The following EIF4E variants were observed in gnomAD, a reference collection of about 807,000 sequenced individuals.
EIF4E encodes the protein eukaryotic translation initiation factor 4E.
For missense variants in EIF4E, 113 were observed against 265.6 expected, an observed-to-expected ratio of 0.43 and a Z score of 3.99; for synonymous variants, 71 against 88.5, an observed-to-expected ratio of 0.80 and a Z score of 1.11.
At chr4:98,923,286 A>G (rs1020447993) in intron 1 of EIF4E, among the ~76,000 whole-genome samples, 1 of 149,792 alleles carries the variant, frequency 6.7e-6, no homozygotes, top group African/African-American at 2.4e-5. Flanking sequence ...TATTTTAGAC[A>G]CACACACACA....
intron 2 of EIF4E, among the ~76,000 whole-genome samples, chr4:98,891,724 T>C (rs140629315): frequency 3.3e-5 from 5 of 152,350 alleles, no homozygotes; most frequent in African/African-American, 1.2e-4. Flanking sequence ...TGGAGATTAG[T>C]TGCACAATAA....
At chr4:98,892,557 CT>C (rs1724195803) in intron 2 of EIF4E, among the ~76,000 whole-genome samples, 1 of 149,168 alleles carries the variant, frequency 6.7e-6, no homozygotes, top group Non-Finnish European at 1.5e-5. Context: ...TGGTATGTGC[CT>C]GTAATTACAG....
intron 5 of EIF4E, among the ~76,000 whole-genome samples, chr4:98,886,056 G>C (rs567504918): frequency 6.6e-6 from 1 of 151,636 alleles, no homozygotes; most frequent in African/African-American, 2.4e-5. Flanking sequence ...GAGAGGCTAA[G>C]GCAGGATGAT....
intron 1 of EIF4E, among the ~76,000 whole-genome samples, chr4:98,914,033 C>A (rs114492285): frequency 0.023 from 3,442 of 150,418 alleles, 52 homozygotes; most frequent in African/African-American, 0.032. Flanking sequence ...TGGAGAAAAG[C>A]AGATTACAGA....
intron 3 of EIF4E, among the ~76,000 whole-genome samples, chr4:98,888,593 C>T (rs1335121546): frequency 1.3e-5 from 2 of 152,144 alleles, no homozygotes; most frequent in African/African-American, 4.8e-5. Flanking sequence ...GTCTGTATTT[C>T]TAAACTATTT....
Position 98,891,272 on chromosome 4 carries a change from C to A in EIF4E, c.186G>T (p.Leu62=), listed in dbSNP as rs952094702. 3.5e-5 allele frequency: 57 copies of A among 1,613,968 alleles called. No homozygotes were observed. Among genetic ancestry groups the A allele is most frequent in the Non-Finnish European group, 4.7e-5 (56 of 1,180,018 alleles). ...CTTCAACAGTATCAAACTTGGAGAT[C>A]AGCCGCAGGTTTGCTTGCCAAGTTT... is the stretch of plus-strand genomic sequence containing the variant. ...KSKTWQANLR[L]ISKFDTVEDF... Residue 62 remains leucine, a synonymous_variant, in exon 3 of 7, where the codon CTG becomes CTT. Transcript: ENST00000450253.
intron 5 of EIF4E, among the ~76,000 whole-genome samples, chr4:98,885,350 T>C (rs1723868585): frequency 6.6e-6 from 1 of 152,256 alleles, no homozygotes. Flanking sequence ...CTTATATTTA[T>C]GAGCAAACAA....
At position 98,902,137 on chromosome 4, in the gene EIF4E, T is replaced by TGGCTCA. The variant is rs1175503939; in HGVS notation, c.19-161_19-156dup. 2.0e-5 allele frequency among the ~76,000 whole-genome samples: 3 copies of TGGCTCA among 152,196 alleles called. No homozygotes were observed. The East Asian group carries it at 5.8e-4, about 29-fold the overall frequency. On this transcript the variant is annotated intron_variant, in intron 1 of 6. Coordinates refer to ENST00000450253, the MANE Select transcript of EIF4E (RefSeq NM_001968.5). ...AGGCTGGAGTGCAGTCGTGCGATCTTGGCTCACTGCAACCTCCTCCTCCTC... is the reference window on the plus strand; with the variant it reads ...AGGCTGGAGTGCAGTCGTGCGATCTTGGCTCAGGCTCACTGCAACCTCCTCCTCCTC...
chr4:98,891,377 A>G, intron 2 of EIF4E, 45 bp from the exon 3 acceptor site: 1 of 1,541,902 alleles, frequency 6.5e-7, no homozygotes, highest in Non-Finnish European at 8.9e-7. Context: ...CTGCATACCC[A>G]TGTTAAAAGC....
At chr4:98,891,209 A>C in intron 3 of EIF4E, 28 bp downstream of exon 3, 6 of 1,610,254 alleles carry the variant, frequency 3.7e-6, no homozygotes, top group Non-Finnish European at 5.1e-6. Flanking sequence ...ATAAAACAAC[A>C]AACATACTAA....
At chr4:98,888,423 A>G (rs1724012036) in intron 3 of EIF4E, among the ~76,000 whole-genome samples, 1 of 152,200 alleles carries the variant, frequency 6.6e-6, no homozygotes, top group South Asian at 2.1e-4. Context: ...GGTATCCAAG[A>G]GTAGAATAGA....
chr4:98,907,175 T>A (rs1457268727), intron 1 of EIF4E, among the ~76,000 whole-genome samples: 3 of 152,204 alleles, frequency 2.0e-5, no homozygotes, highest in Admixed American at 6.5e-5. Flanking sequence ...TCCTCCTTCC[T>A]AAATTCCTTC....
intron 3 of EIF4E, among the ~76,000 whole-genome samples, chr4:98,889,271 G>C (rs1165952045): frequency 6.6e-6 from 1 of 152,030 alleles, no homozygotes; most frequent in Non-Finnish European, 1.5e-5. Context: ...GGTTTGCTGA[G>C]TCACTACCTA....
intron 2 of EIF4E, among the ~76,000 whole-genome samples, chr4:98,901,471 G>T (rs561172468): frequency 1.3e-5 from 2 of 151,766 alleles, no homozygotes; most frequent in Non-Finnish European, 2.9e-5. Context: ...TCCGCCTCCT[G>T]AAGTGCTGGG....
intron 1 of EIF4E, among the ~76,000 whole-genome samples, chr4:98,917,135 A>ACAC (rs1560652727): frequency 0.02 from 598 of 29,264 alleles, 3 homozygotes; most frequent in East Asian, 0.032. Flanking sequence ...CACACACACA[A>ACAC]AAAAAACCCA....
chr4:98,901,143 T>TA (rs911931503), intron 2 of EIF4E, among the ~76,000 whole-genome samples: 1 of 152,170 alleles, frequency 6.6e-6, no homozygotes, highest in African/African-American at 2.4e-5. Flanking sequence ...ACATGTGCTG[T>TA]AAACCACCCT....
intron 1 of EIF4E, chr4:98,909,739 C>T: frequency 4.2e-6 from 3 of 706,354 alleles, no homozygotes; most frequent in Non-Finnish European, 5.2e-6. Context: ...ATCTTCAGCT[C>T]TCATTTTTTT....
rs1410425380 is a variant in EIF4E, at chr4:98,887,604, T to C, written c.285+285A>G. ...GGACCCATGCTCCTAAGGTTAAGAA[T>C]GCTTGATAAACTCAGTCTGCTCAAA... On this transcript the variant is annotated intron_variant, in intron 4 of 6. Coordinates refer to ENST00000450253, the MANE Select transcript of EIF4E (RefSeq NM_001968.5). The surrounding 1 kb of genome is among the most constrained non-coding windows in gnomAD (Gnocchi z 4.0). Among the ~76,000 whole-genome samples the C allele has an allele frequency of 1.3e-5, 2 of 152,208 alleles. No homozygotes were observed. Among genetic ancestry groups the C allele is most frequent in the African/African-American group, 4.8e-5 (2 of 41,456 alleles).
intron 2 of EIF4E, among the ~76,000 whole-genome samples, chr4:98,893,142 A>G (rs1209372396): frequency 2.1e-5 from 3 of 145,176 alleles, no homozygotes; most frequent in Non-Finnish European, 4.8e-5. Context: ...AAATAGCATT[A>G]CATCTAAAAA....
Sources: gnomAD v4.1 joint callset for allele counts (sites outside exome capture counted in the v4.1 genomes callset) on GRCh38, gnomAD v4.1.1 for gene constraint, Gnocchi (gnomAD v3.1) non-coding constraint, MANE v1.5 for transcripts, NCBI Gene and HGNC (gene_info 2026-07-23, HGNC 2026-07-21) for gene names.